ADAMTS3: variants seen among roughly 807,000 people sequenced by gnomAD.
ADAMTS3 encodes ADAM metallopeptidase with thrombospondin type 1 motif 3.
In ADAMTS3, 73 loss-of-function variants were observed where a neutral mutation model predicts 129.0. The ratio of observed to expected loss-of-function variants is 0.57; its 90% CI spans 0.47 to 0.69. The LOEUF (loss-of-function observed/expected upper bound fraction) is 0.69. ADAMTS3 is among the 30% of genes least tolerant of loss of function. ADAMTS3 has a pLI of 0.00. For synonymous variants in ADAMTS3, 477 were observed against 510.8 expected (o/e 0.93, Z 0.89); for missense variants, 1,457 against 1,514.5 (o/e 0.96, Z 0.63).
intron 3 of ADAMTS3, among the ~76,000 whole-genome samples, chr4:72,543,873 T>C (rs1037460116): frequency 1.3e-5 from 2 of 152,146 alleles, no homozygotes; most frequent in South Asian, 2.1e-4. Context: ...GTACATTTTA[T>C]GTTATGTGTA....
chr4:72,385,200 AG>A (rs1271622839), intron 4 of ADAMTS3, among the ~76,000 whole-genome samples: 2 of 151,806 alleles, frequency 1.3e-5, no homozygotes, highest in African/African-American at 2.4e-5. Flanking sequence ...AGAAAAGAAA[AG>A]GGGGTCAGTC....
chr4:72,452,636 G>A (rs896736970), intron 3 of ADAMTS3, among the ~76,000 whole-genome samples: 1 of 151,668 alleles, frequency 6.6e-6, no homozygotes, highest in African/African-American at 2.4e-5. Context: ...TTCAGTACTG[G>A]ACTGGGTCAC....
chr4:72,366,536 T>G (rs1161853504), intron 4 of ADAMTS3, among the ~76,000 whole-genome samples: 1 of 152,206 alleles, frequency 6.6e-6, no homozygotes, highest in East Asian at 1.9e-4. Context: ...TTAGGGTTCC[T>G]TATAGTAAGC....
At chr4:72,309,588 T>C in intron 14 of ADAMTS3, 68 bp from the exon 15 acceptor site, 1 of 1,561,384 alleles carries the variant, frequency 6.4e-7, no homozygotes, top group Non-Finnish European at 8.7e-7. Context: ...TCCCAGAGAA[T>C]GATGAACCCT....
Position 72,417,557 on chromosome 4 carries a change from G to A in ADAMTS3, c.505-2586C>T, listed in dbSNP as rs1045970476. On this transcript the variant is annotated intron_variant, in intron 3 of 21. Transcript: ENST00000286657. ...TGACAAGGCAAGAGTTGGATCAAGT[G>A]ACATCCATTAACTCCATGGACCCAA... Among the ~76,000 whole-genome samples the A allele has an allele frequency of 2.6e-5, 4 of 152,222 alleles. No individual in the cohort carries two copies. The East Asian group carries it at 7.7e-4, about 29-fold the overall frequency.
chr4:72,516,386 A>G (rs879538832), intron 3 of ADAMTS3, among the ~76,000 whole-genome samples: 42 of 152,180 alleles, frequency 2.8e-4, no homozygotes, highest in Non-Finnish European at 4.9e-4. Flanking sequence ...GTCATTGGTA[A>G]CTTGATGGGG....
chr4:72,318,311 T>C (rs1560470290), intron 10 of ADAMTS3, among the ~76,000 whole-genome samples: 1 of 152,328 alleles, frequency 6.6e-6, no homozygotes, highest in East Asian at 1.9e-4. Flanking sequence ...GCTGTGTGCC[T>C]TAAGCAAGTT....
rs1208778504 is a variant in ADAMTS3 at position 72,530,041 on chromosome 4, A to G, written c.504+18437T>C. On this transcript the variant is annotated intron_variant, in intron 3 of 21. Coordinates refer to ENST00000286657, the MANE Select transcript of ADAMTS3 (RefSeq NM_014243.3). ...TTATATTTATATATAAATATAATAT[A>G]TTATATTTATATATAATATGTTATA... Among the ~76,000 whole-genome samples the G allele has an allele frequency of 6.7e-5, 2 of 30,000 alleles. 1 individual carries two copies. The highest frequency in any genetic ancestry group is 3.4e-4 in the African/African-American group (2 of 5,882). The allele number at this position is 30,000 out of a possible 152,430, so 19.7% of individuals were successfully genotyped here.
At chr4:72,378,049 A>G (rs1721179900) in intron 4 of ADAMTS3, among the ~76,000 whole-genome samples, 1 of 152,164 alleles carries the variant, frequency 6.6e-6, no homozygotes, top group Admixed American at 6.6e-5. Context: ...TTTTTGGCAA[A>G]AAATACTCTT....
intron 3 of ADAMTS3, among the ~76,000 whole-genome samples, chr4:72,422,388 T>A (rs1320577508): frequency 6.6e-6 from 1 of 152,160 alleles, no homozygotes; most frequent in African/African-American, 2.4e-5. Flanking sequence ...CAATGATACA[T>A]GAAATATTTA....
At chr4:72,558,923 T>A (rs1721834407) in intron 2 of ADAMTS3, among the ~76,000 whole-genome samples, 1 of 151,618 alleles carries the variant, frequency 6.6e-6, no homozygotes, top group African/African-American at 2.4e-5. Context: ...ACTGGAACTG[T>A]CAAAAAAGAG....
At chr4:72,398,163 T>C (rs1721774779) in intron 4 of ADAMTS3, among the ~76,000 whole-genome samples, 1 of 152,168 alleles carries the variant, frequency 6.6e-6, no homozygotes. Flanking sequence ...TTTATATAAA[T>C]TGCTGAGGAT....
chr4:72,314,366 G>C (rs1451550551), intron 11 of ADAMTS3, among the ~76,000 whole-genome samples: 1 of 152,060 alleles, frequency 6.6e-6, no homozygotes, highest in Non-Finnish European at 1.5e-5. Flanking sequence ...TCAACAATTA[G>C]ATGAGGAAAA....
intron 3 of ADAMTS3, among the ~76,000 whole-genome samples, chr4:72,432,144 T>A (rs1161598011): frequency 6.6e-6 from 1 of 151,934 alleles, no homozygotes; most frequent in East Asian, 2.0e-4. Flanking sequence ...CCTAGGTACA[T>A]AGGAGAACTG....
intron 14 of ADAMTS3, among the ~76,000 whole-genome samples, chr4:72,310,627 G>T (rs1719206280): frequency 1.3e-5 from 2 of 152,082 alleles, no homozygotes; most frequent in South Asian, 2.1e-4. Flanking sequence ...TTTAAACTTA[G>T]AATTGATTGG....
intron 4 of ADAMTS3, among the ~76,000 whole-genome samples, chr4:72,398,405 A>AAAAT (rs1425609398): frequency 6.6e-6 from 1 of 152,020 alleles, no homozygotes; most frequent in Non-Finnish European, 1.5e-5. Context: ...AAAAATACAA[A>AAAAT]AAATAAATAA....
intron 3 of ADAMTS3, among the ~76,000 whole-genome samples, chr4:72,529,266 G>T (rs1720895402): frequency 6.6e-6 from 1 of 152,112 alleles, no homozygotes; most frequent in South Asian, 2.1e-4. Context: ...GAAGTATACT[G>T]AAACCAGTTC....
intron 4 of ADAMTS3, among the ~76,000 whole-genome samples, chr4:72,385,218 C>A (rs1721415730): frequency 6.6e-6 from 1 of 151,218 alleles, no homozygotes; most frequent in East Asian, 1.9e-4. Context: ...AGTCAATGAA[C>A]CTATGTGATT....
intron 10 of ADAMTS3, among the ~76,000 whole-genome samples, chr4:72,317,566 T>G (rs1298343295): frequency 6.6e-6 from 1 of 152,088 alleles, no homozygotes; most frequent in Admixed American, 6.6e-5. Context: ...CTGGCTTTAA[T>G]GGATTCCATT....
Sources: gnomAD v4.1 joint callset for allele counts (sites outside exome capture counted in the v4.1 genomes callset) on GRCh38, gnomAD v4.1.1 for gene constraint, MANE v1.5 for transcripts, NCBI Gene and HGNC (gene_info 2026-07-23, HGNC 2026-07-21) for gene names.